Variants in SLC44A5 observed in about 807,000 individuals in gnomAD.
SLC44A5 encodes the protein choline transporter-like protein 5.
SLC44A5 carries 57 observed loss-of-function variants against 101.8 expected under a neutral mutation model. The ratio of observed to expected loss-of-function variants is 0.56; its 90% CI spans 0.45 to 0.70. The LOEUF is 0.70. Ranked by LOEUF, SLC44A5 falls within the 30% of genes least tolerant of loss-of-function variation. The probability of loss-of-function intolerance (pLI) is 0.00; values close to 1 mark genes in which losing one functional copy is unlikely to be tolerated. For synonymous variants in SLC44A5, 281 were observed against 290.9 expected, an observed-to-expected ratio of 0.97 and a Z score of 0.35; for missense variants, 737 against 853.1, an observed-to-expected ratio of 0.86 and a Z score of 1.70.
At chr1:75,246,064 C>T (rs1319656) in intron 7 of SLC44A5, among the ~76,000 whole-genome samples, 15,971 of 152,160 alleles carry the variant, frequency 0.1, 1,074 homozygotes, top group Middle Eastern at 0.18. Context: ...TCAATAATGA[C>T]TCAGCTAATA....
chr1:75,651,549 T>C, the SLC44A5 span, among the ~76,000 whole-genome samples: 1 of 151,668 alleles, frequency 6.6e-6, no homozygotes, highest in Admixed American at 6.6e-5. Flanking sequence ...TACAAAAAAT[T>C]AGCTGGGCGT....
At chr1:75,544,971 T>C (rs1671564497) in intron 1 of SLC44A5, among the ~76,000 whole-genome samples, 1 of 152,132 alleles carries the variant, frequency 6.6e-6, no homozygotes, top group Non-Finnish European at 1.5e-5. Flanking sequence ...ACCTGTAATC[T>C]ACATTAGGTA....
intron 2 of SLC44A5, among the ~76,000 whole-genome samples, chr1:75,452,471 C>G (rs980257412): frequency 1.3e-5 from 2 of 152,048 alleles, no homozygotes; most frequent in Non-Finnish European, 2.9e-5. Context: ...GCCCACAGAC[C>G]CTGTAAAGCC....
chr1:75,718,341 C>T, the SLC44A5 span, among the ~76,000 whole-genome samples: 1 of 152,008 alleles, frequency 6.6e-6, no homozygotes, highest in Admixed American at 6.6e-5. Flanking sequence ...ACTTGATAGC[C>T]CTTTGTGGAG....
chr1:75,467,230 A>G (rs1666873152), intron 2 of SLC44A5, among the ~76,000 whole-genome samples: 1 of 152,144 alleles, frequency 6.6e-6, no homozygotes, highest in Non-Finnish European at 1.5e-5. Flanking sequence ...TGAAAGAATC[A>G]ATGTTGTTAA....
At chr1:75,538,392 T>C (rs1171386697) in intron 2 of SLC44A5, among the ~76,000 whole-genome samples, 1 of 152,224 alleles carries the variant, frequency 6.6e-6, no homozygotes, top group East Asian at 1.9e-4. Flanking sequence ...AATGTAGATA[T>C]AGATGCAGAT....
intron 3 of SLC44A5, among the ~76,000 whole-genome samples, chr1:75,369,465 A>G (rs899471604): frequency 1.3e-4 from 20 of 152,308 alleles, no homozygotes; most frequent in African/African-American, 2.4e-5. Context: ...GAGAAGAAAG[A>G]ATGCATGTTC....
Position 75,287,426 on chromosome 1 carries a change from CTTTTTTTTTT to C in SLC44A5, c.176-12394_176-12385del, listed in dbSNP as rs371647505. On this transcript the variant is annotated intron_variant, in intron 5 of 23. Coordinates refer to ENST00000370859, the MANE Select transcript of SLC44A5 (RefSeq NM_001130058.2). ...AGCTTAATAATTGACCTTCTGAATTCTTTTTTTTTTTTTTTTTTTTTTTGGCAATTCAAAG... is the reference window on the plus strand; with the variant it reads ...AGCTTAATAATTGACCTTCTGAATTCTTTTTTTTTTTTTGGCAATTCAAAG... Among the ~76,000 whole-genome samples, 218 of 69,928 alleles carry C rather than the reference CTTTTTTTTTT, an allele frequency of 3.1e-3. 2 individuals carry two copies. The highest frequency in any genetic ancestry group is 0.013 in the African/African-American group (210 of 16,684). 45.9% of individuals were successfully genotyped at this position (69,928 alleles called of 152,430 possible).
intron 3 of SLC44A5, among the ~76,000 whole-genome samples, chr1:75,390,395 C>A: frequency 7.8e-6 from 1 of 128,274 alleles, no homozygotes; most frequent in Non-Finnish European, 1.6e-5. Flanking sequence ...TGAACTTAGA[C>A]ACAAAAATCC....
At chr1:75,387,151 CAAGGACTTCA>C (rs1309860199) in intron 3 of SLC44A5, among the ~76,000 whole-genome samples, 1 of 152,122 alleles carries the variant, frequency 6.6e-6, no homozygotes, top group African/African-American at 2.4e-5. Context: ...TAGGCTTGTG[CAAGGACTTCA>C]TGTCTAAAAT....
At chr1:75,392,648 C>G (rs960042027) in intron 3 of SLC44A5, among the ~76,000 whole-genome samples, 16 of 152,152 alleles carry the variant, frequency 1.1e-4, no homozygotes, top group Admixed American at 2.6e-4. Context: ...AATCCCATTG[C>G]TTGGTATATA....
At chr1:75,684,880 G>C in the SLC44A5 span, among the ~76,000 whole-genome samples, 2,397 of 152,306 alleles carry the variant, frequency 0.016, 72 homozygotes, top group African/African-American at 0.053. Flanking sequence ...CCCCAGTGGG[G>C]ATTCTGTGTG....
chr1:75,227,519 G>T (rs1647232628), intron 13 of SLC44A5, among the ~76,000 whole-genome samples: 1 of 152,150 alleles, frequency 6.6e-6, no homozygotes, highest in Non-Finnish European at 1.5e-5. Context: ...TGAGGTCCTT[G>T]TAAGGTAGCA....
intron 5 of SLC44A5, among the ~76,000 whole-genome samples, chr1:75,296,985 A>G (rs1211373426): frequency 1.3e-5 from 2 of 152,172 alleles, no homozygotes; most frequent in Non-Finnish European, 2.9e-5. Context: ...GATAGTGGAC[A>G]CTAATTATCC....
intron 1 of SLC44A5, among the ~76,000 whole-genome samples, chr1:75,572,354 G>T (rs1673118548): frequency 6.6e-6 from 1 of 152,172 alleles, no homozygotes; most frequent in Non-Finnish European, 1.5e-5. Flanking sequence ...GTAAGGATAT[G>T]ATAAACTCTA....
chr1:75,467,345 G>A (rs981390265), intron 2 of SLC44A5, among the ~76,000 whole-genome samples: 1 of 151,974 alleles, frequency 6.6e-6, no homozygotes, highest in African/African-American at 2.4e-5. Flanking sequence ...AAATTTATAT[G>A]GAACCACAGA....
At chr1:75,364,890 T>G (rs958291314) in intron 3 of SLC44A5, among the ~76,000 whole-genome samples, 6 of 152,142 alleles carry the variant, frequency 3.9e-5, no homozygotes, top group African/African-American at 1.4e-4. Flanking sequence ...ACTAAATATT[T>G]TTGTTCACTT....
chr1:75,642,020 T>C, the SLC44A5 span: 1 of 1,445,724 alleles, frequency 6.9e-7, no homozygotes, highest in Admixed American at 1.8e-5. Context: ...GTGGAAGAAA[T>C]GTTGATAATT....
chr1:75,511,144 G>A (rs11163549), intron 2 of SLC44A5, among the ~76,000 whole-genome samples: 21,911 of 151,754 alleles, frequency 0.14, 1,767 homozygotes, highest in African/African-American at 0.19. Context: ...CTCCGTCTCA[G>A]AAAAAAAGAA....
Sources: allele counts gnomAD v4.1 joint callset (sites outside exome capture counted in the v4.1 genomes callset), GRCh38; gene constraint gnomAD v4.1.1; transcripts MANE v1.5; gene names NCBI Gene and HGNC (gene_info 2026-07-23, HGNC 2026-07-21).